FAM168A: variants seen among roughly 807,000 people sequenced by gnomAD.
FAM168A encodes the protein family with sequence similarity 168 member A.
FAM168A carries 3 observed loss-of-function variants against 28.5 expected under a neutral mutation model. The observed-to-expected ratio is 0.11, with a 90% confidence interval of 0.05 to 0.27. FAM168A has a LOEUF of 0.27. Ranked by LOEUF, FAM168A falls within the 10% of genes least tolerant of loss-of-function variation. The pLI is 1.00. For missense variants in FAM168A, 222 were observed against 311.5 expected, an observed-to-expected ratio of 0.71 and a Z score of 2.16; for synonymous variants, 122 against 124.2, an observed-to-expected ratio of 0.98 and a Z score of 0.12.
chr11:73,473,053 C>T (rs983095732), intron 1 of FAM168A, among the ~76,000 whole-genome samples: 17 of 152,100 alleles, frequency 1.1e-4, no homozygotes, highest in Non-Finnish European at 1.5e-4. Context: ...AATACTACCC[C>T]TACTACCAGC....
chr11:73,438,126 C>G lies in FAM168A; in HGVS notation c.71-7356G>C, dbSNP rs564248531. Among the ~76,000 whole-genome samples, 3 of 152,308 alleles carry G rather than the reference C, an allele frequency of 2.0e-5. No individual in the cohort carries two copies. The East Asian group carries it at 5.8e-4, about 29-fold the overall frequency. ...TCATCATCATCATCATCGTCATCATCATCATCATCACCATCATCATCATAG... is the reference window on the plus strand; with the variant it reads ...TCATCATCATCATCATCGTCATCATGATCATCATCACCATCATCATCATAG... On this transcript the variant is annotated intron_variant, in intron 2 of 7. Coordinates refer to ENST00000356467, the MANE Select transcript of FAM168A (RefSeq NM_015159.3).
At chr11:73,449,092 T>C (rs991776960) in intron 2 of FAM168A, among the ~76,000 whole-genome samples, 5 of 151,990 alleles carry the variant, frequency 3.3e-5, no homozygotes, top group African/African-American at 1.2e-4. Flanking sequence ...CCTCCTGCCT[T>C]AGCCTCCTGA....
At chr11:73,452,726 A>G (rs1230989886) in intron 2 of FAM168A, among the ~76,000 whole-genome samples, 1 of 152,114 alleles carries the variant, frequency 6.6e-6, no homozygotes, top group African/African-American at 2.4e-5. Flanking sequence ...GTCAGTATCC[A>G]AAGCTCAGGA....
Position 73,419,943 on chromosome 11 carries a change from C to T in FAM168A, c.208G>A (p.Gly70Ser). 1 of 1,613,892 alleles carries T rather than the reference C, an allele frequency of 6.2e-7. No homozygotes were observed. The highest frequency in any genetic ancestry group is 1.1e-5 in the South Asian group (1 of 91,058). The change falls in exon 4 of 8, where the codon GGC becomes AGC. Residue 70 changes from glycine (G) to serine (S), a missense_variant. Physicochemically the swap from Gly to Ser is moderately conservative, Grantham distance 56 (BLOSUM62 0). Transcript: ENST00000356467. ...PQNSSSCGTE[G>S]TFHLPVDTGT... ...GTGTCCACTGGGAGGTGGAAGGTGC[C>T]TTCAGTGCCACAGGAAGACGAGTTC...
chr11:73,406,073 T>C lies in FAM168A; in HGVS notation c.*690A>G, dbSNP rs775426103. On this transcript the variant is annotated 3_prime_UTR_variant, in exon 8 of 8. Transcript: ENST00000356467. Reference sequence around the variant, plus strand: ...ACCAAAGCCATGAGGCAAGCACCGCTCCTCCCTTCTTCCCTCTCCTTCCCC... The same window carrying C: ...ACCAAAGCCATGAGGCAAGCACCGCCCCTCCCTTCTTCCCTCTCCTTCCCC... The C allele has an allele frequency of 3.3e-5, 5 of 151,594 alleles. No individual in the cohort carries two copies. The highest frequency in any genetic ancestry group is 4.9e-5 in the African/African-American group (2 of 41,120). 9.4% of individuals were successfully genotyped at this position (151,594 alleles called of 1,614,324 possible).
At chr11:73,458,892 G>A (rs1376914116) in intron 2 of FAM168A, among the ~76,000 whole-genome samples, 7 of 152,314 alleles carry the variant, frequency 4.6e-5, no homozygotes, top group Non-Finnish European at 8.8e-5. Flanking sequence ...TTACAGGCGT[G>A]AGCCACTGCA....
intron 2 of FAM168A, among the ~76,000 whole-genome samples, chr11:73,468,184 A>G (rs1176291541): frequency 6.6e-6 from 1 of 152,200 alleles, no homozygotes; most frequent in East Asian, 1.9e-4. Flanking sequence ...ATGTTTGCAG[A>G]CTCTCTAAAA....
At chr11:73,563,769 A>C (rs1943985982) in intron 1 of FAM168A, among the ~76,000 whole-genome samples, 1 of 152,250 alleles carries the variant, frequency 6.6e-6, no homozygotes, top group Non-Finnish European at 1.5e-5. Context: ...CATAGAGTTC[A>C]ATCATTTACC....
At chr11:73,579,415 G>A (rs1944217671) in intron 1 of FAM168A, among the ~76,000 whole-genome samples, 1 of 152,150 alleles carries the variant, frequency 6.6e-6, no homozygotes, top group Non-Finnish European at 1.5e-5. Flanking sequence ...CCACCTAATA[G>A]ATGGAGAAAA....
chr11:73,513,205 A>AT (rs1046600591), intron 1 of FAM168A, among the ~76,000 whole-genome samples: 4,876 of 109,368 alleles, frequency 0.045, 260 homozygotes, highest in African/African-American at 0.11. Context: ...TTTTTTTTTA[A>AT]TTTTTTTTTT....
chr11:73,486,282 C>A (rs548978008), intron 1 of FAM168A, among the ~76,000 whole-genome samples: 1 of 152,134 alleles, frequency 6.6e-6, no homozygotes, highest in Non-Finnish European at 1.5e-5. Flanking sequence ...TGTCATGCAA[C>A]CATCACCACC....
intron 1 of FAM168A, among the ~76,000 whole-genome samples, chr11:73,592,397 T>C (rs977806182): frequency 6.6e-6 from 1 of 152,216 alleles, no homozygotes; most frequent in Admixed American, 6.5e-5. Context: ...ATACTAAAGA[T>C]ATGCATAACT....
chr11:73,536,729 T>G (rs1178420399), intron 1 of FAM168A, among the ~76,000 whole-genome samples: 1 of 152,172 alleles, frequency 6.6e-6, no homozygotes, highest in African/African-American at 2.4e-5. Context: ...ACCTAGGGTT[T>G]GTTTTATTGA....
chr11:73,563,935 T>C (rs1047437272), intron 1 of FAM168A, among the ~76,000 whole-genome samples: 2 of 152,218 alleles, frequency 1.3e-5, no homozygotes, highest in African/African-American at 2.4e-5. Context: ...GGGTAGACTA[T>C]GGTGGAGGCT....
At chr11:73,465,501 A>G (rs1445103855) in intron 2 of FAM168A, among the ~76,000 whole-genome samples, 2 of 152,196 alleles carry the variant, frequency 1.3e-5, no homozygotes, top group Non-Finnish European at 2.9e-5. Flanking sequence ...ACAAAATACC[A>G]GACTGGGTGG....
At chr11:73,463,514 C>T (rs1027147026) in intron 2 of FAM168A, among the ~76,000 whole-genome samples, 3 of 152,120 alleles carry the variant, frequency 2.0e-5, no homozygotes, top group African/African-American at 4.8e-5. Flanking sequence ...GTTCAGGAGA[C>T]GGCTGGATAA....
intron 1 of FAM168A, among the ~76,000 whole-genome samples, chr11:73,527,423 T>A (rs188512516): frequency 2.6e-5 from 4 of 152,280 alleles, no homozygotes; most frequent in Non-Finnish European, 5.9e-5. Flanking sequence ...AAACAATGGG[T>A]CATAATCACT....
At chr11:73,477,653 A>G (rs958254317) in intron 1 of FAM168A, among the ~76,000 whole-genome samples, 6 of 152,176 alleles carry the variant, frequency 3.9e-5, no homozygotes, top group Non-Finnish European at 8.8e-5. Flanking sequence ...ACCGGAGGCC[A>G]GAAGACAGGA....
intron 1 of FAM168A, among the ~76,000 whole-genome samples, chr11:73,494,991 G>A (rs1854839820): frequency 6.6e-6 from 1 of 151,108 alleles, no homozygotes; most frequent in Non-Finnish European, 1.5e-5. Context: ...GGGTGATGGA[G>A]TGAGACTGTC....
Sources: allele counts gnomAD v4.1 joint callset (sites outside exome capture counted in the v4.1 genomes callset), GRCh38; gene constraint gnomAD v4.1.1; transcripts MANE v1.5; gene names NCBI Gene and HGNC (gene_info 2026-07-23, HGNC 2026-07-21).